The following OSBPL1A variants were observed in gnomAD, a reference collection of about 807,000 sequenced individuals.
OSBPL1A encodes oxysterol binding protein like 1A, also known as oxysterol-binding protein-related protein 1.
Under a neutral mutation model 137.1 loss-of-function variants are expected in OSBPL1A, and 80 were observed. The ratio of observed to expected loss-of-function variants is 0.58; its 90% CI spans 0.49 to 0.70. The LOEUF (loss-of-function observed/expected upper bound fraction) is 0.70. Among genes scored for constraint, OSBPL1A ranks in the 30% least tolerant of loss-of-function variants. The pLI is 0.00. For synonymous variants in OSBPL1A, 365 were observed against 389.7 expected, an observed-to-expected ratio of 0.94 and a Z score of 0.75; for missense variants, 970 against 1,129.4, an observed-to-expected ratio of 0.86 and a Z score of 2.02.
intron 17 of OSBPL1A, among the ~76,000 whole-genome samples, chr18:24,210,235 G>A (rs1419323514): frequency 1.3e-5 from 2 of 152,030 alleles, no homozygotes; most frequent in Admixed American, 1.3e-4. Flanking sequence ...GACCAGCCTG[G>A]CCAACATGTT....
At chr18:24,231,065 G>A (rs1364705654) in intron 16 of OSBPL1A, among the ~76,000 whole-genome samples, 1 of 152,122 alleles carries the variant, frequency 6.6e-6, no homozygotes, top group African/African-American at 2.4e-5. Flanking sequence ...GGGCAACAGA[G>A]CGAGACCCTG....
chr18:24,304,884 C>T (rs2730011), intron 13 of OSBPL1A, among the ~76,000 whole-genome samples: 103,568 of 152,090 alleles, frequency 0.68, 37,232 homozygotes, highest in African/African-American at 0.89. Flanking sequence ...ACAACACCTA[C>T]GTACCATTCA....
chr18:24,293,569 C>T (rs1171978575), intron 14 of OSBPL1A, among the ~76,000 whole-genome samples: 5 of 152,160 alleles, frequency 3.3e-5, no homozygotes, highest in African/African-American at 9.7e-5. Flanking sequence ...TGTGTGCAGG[C>T]ACCTTTTGAA....
chr18:24,211,917 A>C (rs1340023283), intron 17 of OSBPL1A, among the ~76,000 whole-genome samples: 1 of 151,960 alleles, frequency 6.6e-6, no homozygotes, highest in African/African-American at 2.4e-5. Context: ...TCAAAAAAAA[A>C]AAAATCAATG....
chr18:24,166,810 T>C (rs1472990521), intron 25 of OSBPL1A, 108 bp from the exon 26 acceptor site: 4 of 1,103,506 alleles, frequency 3.6e-6, no homozygotes, highest in Non-Finnish European at 2.6e-6. Flanking sequence ...CTCCCTTTCA[T>C]GGTAACAATG....
intron 22 of OSBPL1A, 102 bp downstream of exon 22, chr18:24,172,274 C>A: frequency 1.1e-6 from 1 of 871,456 alleles, no homozygotes; most frequent in Admixed American, 2.2e-5. Flanking sequence ...TCAGCCTGTT[C>A]TAGAGCTTTT....
At chr18:24,250,100 C>A (rs1316759362) in intron 15 of OSBPL1A, among the ~76,000 whole-genome samples, 1 of 151,912 alleles carries the variant, frequency 6.6e-6, no homozygotes, top group Non-Finnish European at 1.5e-5. Context: ...GGATGCTGGG[C>A]AGAATTGTGG....
chr18:24,164,213 G>A lies in OSBPL1A; in HGVS notation c.2750+852C>T, dbSNP rs149809424. 5.6e-3 allele frequency among the ~76,000 whole-genome samples: 853 copies of A among 152,102 alleles called. 10 individuals are homozygous for A. The highest frequency in any genetic ancestry group is 0.018 in the African/African-American group (766 of 41,462). ...GACATTTCTGAAGACATACAAATAG[G>A]CAACAGGATACGAGAAAATGTTCAA... On this transcript the variant is annotated intron_variant, in intron 27 of 27. Transcript: ENST00000319481.
intron 15 of OSBPL1A, among the ~76,000 whole-genome samples, chr18:24,276,520 A>G (rs1599603639): frequency 6.6e-6 from 1 of 151,890 alleles, no homozygotes; most frequent in South Asian, 2.1e-4. Context: ...GCTCACTGCA[A>G]CCTCCGCCTC....
chr18:24,186,037 C>G (rs866518685), intron 18 of OSBPL1A, among the ~76,000 whole-genome samples: 14 of 152,094 alleles, frequency 9.2e-5, no homozygotes, highest in Non-Finnish European at 4.4e-5. Context: ...CACTGCATTC[C>G]AGCCTGGGTG....
chr18:24,269,886 C>CACACACACA (rs1567989971), intron 15 of OSBPL1A, among the ~76,000 whole-genome samples: 5 of 47,158 alleles, frequency 1.1e-4, no homozygotes, highest in African/African-American at 4.9e-4. Context: ...ACACACACAC[C>CACACACACA]ATGCTAATTA....
chr18:24,376,681 G>A (rs759465443), intron 2 of OSBPL1A, among the ~76,000 whole-genome samples: 3 of 152,246 alleles, frequency 2.0e-5, no homozygotes, highest in African/African-American at 4.8e-5. Context: ...TGGAGGGGGT[G>A]GGAGGCTGAA....
intron 7 of OSBPL1A, among the ~76,000 whole-genome samples, chr18:24,332,516 CTGT>C (rs1380438096): frequency 6.9e-6 from 1 of 145,180 alleles, no homozygotes; most frequent in African/African-American, 2.6e-5. Context: ...AGCTATGATG[CTGT>C]TGGCTATGAG....
chr18:24,270,124 A>C (rs1567990127), intron 15 of OSBPL1A, among the ~76,000 whole-genome samples: 1 of 152,232 alleles, frequency 6.6e-6, no homozygotes, highest in Non-Finnish European at 1.5e-5. Context: ...AGAGGAATTA[A>C]AATATTTCTT....
Position 24,379,158 on chromosome 18 carries a change from A to G in OSBPL1A, c.-2-1623T>C, listed in dbSNP as rs569536242. Among the ~76,000 whole-genome samples, 5 of 152,366 alleles carry G rather than the reference A, an allele frequency of 3.3e-5. No homozygotes were observed. In the East Asian group the frequency reaches 9.6e-4, roughly 29 times the overall value. ...AAAAATAGCAAAAATTAAAACTTCA[A>G]TAAAAGAGTTGGAAAATAAGTTGAG... On this transcript the variant is annotated intron_variant, in intron 1 of 27. Transcript: ENST00000319481.
At chr18:24,193,245 T>C (rs1412016134) in intron 18 of OSBPL1A, among the ~76,000 whole-genome samples, 1 of 152,090 alleles carries the variant, frequency 6.6e-6, no homozygotes, top group African/African-American at 2.4e-5. Flanking sequence ...CCAGCACTTT[T>C]GGAAGCCAGG....
chr18:24,218,848 T>C (rs1160062923), intron 17 of OSBPL1A, among the ~76,000 whole-genome samples: 1 of 152,218 alleles, frequency 6.6e-6, no homozygotes, highest in African/African-American at 2.4e-5. Context: ...ATGTGAGGTA[T>C]GCATATATTA....
chr18:24,224,275 C>A (rs912517007), intron 17 of OSBPL1A, among the ~76,000 whole-genome samples: 2 of 152,062 alleles, frequency 1.3e-5, no homozygotes, highest in Admixed American at 1.3e-4. Flanking sequence ...TAGAGTTACA[C>A]AACCTACAAA....
At chr18:24,368,023 T>C (rs1905285156) in intron 3 of OSBPL1A, 1 of 255,286 alleles carries the variant, frequency 3.9e-6, no homozygotes. Context: ...GAACTGAAAA[T>C]AAAATCTTCA....
Sources: gnomAD v4.1 joint callset for allele counts (sites outside exome capture counted in the v4.1 genomes callset) on GRCh38, gnomAD v4.1.1 for gene constraint, MANE v1.5 for transcripts, NCBI Gene and HGNC (gene_info 2026-07-23, HGNC 2026-07-21) for gene names.